Variants in OVCH1 observed in about 807,000 individuals in gnomAD.
OVCH1 encodes ovochymase-1.
Under a neutral mutation model 138.4 loss-of-function variants are expected in OVCH1, and 139 were observed. The ratio of observed to expected loss-of-function variants is 1.00; its 90% CI spans 0.87 to 1.16. The LOEUF (loss-of-function observed/expected upper bound fraction) is 1.16. Among genes scored for constraint, OVCH1 ranks in the 50% most tolerant of loss-of-function variants. The probability of loss-of-function intolerance (pLI) is 0.00; values close to 1 mark genes in which losing one functional copy is unlikely to be tolerated. For synonymous variants in OVCH1, 453 were observed against 467.8 expected (o/e 0.97, Z 0.41); for missense variants, 1,367 against 1,357.9 (o/e 1.01, Z -0.11).
rs67595567 is a variant in OVCH1, at chr12:29,488,620, CAAA to C, written c.703-741_703-739del. On this transcript the variant is annotated intron_variant, in intron 6 of 27. Transcript: ENST00000318184. ...TGGGCAACAGAGTGAGACTCCATCTCAAAAAAAAAAAAAAAAAAAAAAAGAAAG... is the reference window on the plus strand; with the variant it reads ...TGGGCAACAGAGTGAGACTCCATCTCAAAAAAAAAAAAAAAAAAAAGAAAG... Among the ~76,000 whole-genome samples, 22 of 61,734 alleles carry C rather than the reference CAAA, an allele frequency of 3.6e-4. 1 individual carries two copies. Among genetic ancestry groups the C allele is most frequent in the Middle Eastern group, 9.8e-3 (1 of 102 alleles). The allele number at this position is 61,734 out of a possible 152,430, so 40.5% of individuals were successfully genotyped here.
the OVCH1 span, among the ~76,000 whole-genome samples, chr12:29,405,002 A>G: frequency 7.5e-6 from 1 of 133,538 alleles, no homozygotes; most frequent in Admixed American, 8.1e-5. Context: ...AGCCCAGGAG[A>G]TAGTGCAACA....
chr12:29,490,262 T>C (rs976007674), intron 5 of OVCH1, among the ~76,000 whole-genome samples: 2 of 152,040 alleles, frequency 1.3e-5, no homozygotes, highest in Non-Finnish European at 2.9e-5. Flanking sequence ...TTATTTATTT[T>C]TGTGGAGACA....
chr12:29,463,577 G>C (rs924603485), intron 18 of OVCH1, among the ~76,000 whole-genome samples: 1 of 152,160 alleles, frequency 6.6e-6, no homozygotes, highest in East Asian at 1.9e-4. Flanking sequence ...TGTGTAATGA[G>C]AAGCCATTAA....
intron 12 of OVCH1, among the ~76,000 whole-genome samples, chr12:29,476,583 G>T (rs1942723794): frequency 6.6e-6 from 1 of 152,134 alleles, no homozygotes; most frequent in African/African-American, 2.4e-5. Flanking sequence ...CATGACCAAA[G>T]ACTGGAAGCT....
At chr12:29,489,484 G>T in intron 6 of OVCH1, 136 bp downstream of exon 6, 1 of 1,031,658 alleles carries the variant, frequency 9.7e-7, no homozygotes. Context: ...TTTTTCAGTA[G>T]AAATCAGAGG....
intron 25 of OVCH1, among the ~76,000 whole-genome samples, chr12:29,441,478 A>G (rs574001257): frequency 6.6e-6 from 1 of 152,216 alleles, no homozygotes; most frequent in Non-Finnish European, 1.5e-5. Context: ...TTCAAGATGG[A>G]TTAAAGACTT....
At chr12:29,489,393 A>G (rs527337303) in intron 6 of OVCH1, among the ~76,000 whole-genome samples, 1 of 152,290 alleles carries the variant, frequency 6.6e-6, no homozygotes, top group East Asian at 1.9e-4. Flanking sequence ...CCTTTTGCCA[A>G]CCCACCGAAA....
chr12:29,433,870 A>T, intron 26 of OVCH1: 1 of 1,299,332 alleles, frequency 7.7e-7, no homozygotes. Context: ...ATTTCAATTA[A>T]CATGTCCAAA....
the OVCH1 span, among the ~76,000 whole-genome samples, chr12:29,405,606 C>G: frequency 4.6e-5 from 7 of 152,164 alleles, no homozygotes; most frequent in African/African-American, 1.7e-4. Flanking sequence ...TTGTAAAGAC[C>G]TAATATTATT....
At chr12:29,453,687 A>G (rs958340066) in intron 21 of OVCH1, among the ~76,000 whole-genome samples, 7 of 152,140 alleles carry the variant, frequency 4.6e-5, no homozygotes, top group East Asian at 1.9e-4. Flanking sequence ...CTAAATTCCA[A>G]TGATCCATCA....
At chr12:29,487,025 C>T (rs930738768) in intron 7 of OVCH1, 4 of 418,328 alleles carry the variant, frequency 9.6e-6, no homozygotes, top group South Asian at 6.9e-5. Flanking sequence ...GGATCCACAG[C>T]ACCACTTCTA....
intron 16 of OVCH1, among the ~76,000 whole-genome samples, chr12:29,469,132 AAAGT>A (rs931158236): frequency 2.6e-5 from 4 of 152,186 alleles, no homozygotes; most frequent in Non-Finnish European, 5.9e-5. Context: ...TTGTTTCCCA[AAAGT>A]AAGTATGGAA....
At chr12:29,464,778 A>G (rs1021927104) in intron 17 of OVCH1, 76 bp from the exon 18 acceptor site, 3 of 1,262,478 alleles carry the variant, frequency 2.4e-6, no homozygotes, top group Non-Finnish European at 2.2e-6. Context: ...TGATGGTCCA[A>G]AATAATCCTA....
At chr12:29,490,372 G>A (rs949014419) in intron 5 of OVCH1, among the ~76,000 whole-genome samples, 13 of 152,144 alleles carry the variant, frequency 8.5e-5, no homozygotes, top group South Asian at 6.2e-4. Flanking sequence ...GAGCCACTGC[G>A]CCCTGCCTAA....
At chr12:29,475,252 A>G (rs1056975791) in intron 13 of OVCH1, 63 bp from the exon 14 acceptor site, 1 of 1,273,646 alleles carries the variant, frequency 7.9e-7, no homozygotes. Context: ...AACACACAGT[A>G]AAATAATCAC....
chr12:29,496,290 G>T lies in OVCH1; in HGVS notation c.184-12C>A. On this transcript the variant is annotated splice_polypyrimidine_tract_variant and intron_variant, in intron 2 of 27. Coordinates refer to ENST00000318184, the Ensembl canonical transcript of OVCH1. ...GATTTTAGGGAGACCTACCCAAGAAGAAAGTTACAAATGCAGCTAATATGT... is the reference window on the plus strand; with the variant it reads ...GATTTTAGGGAGACCTACCCAAGAATAAAGTTACAAATGCAGCTAATATGT... 1 of 1,581,288 alleles carries T rather than the reference G, an allele frequency of 6.3e-7. No homozygotes were observed. Among genetic ancestry groups the T allele is most frequent in the Non-Finnish European group, 8.6e-7 (1 of 1,159,658 alleles).
intron 8 of OVCH1, among the ~76,000 whole-genome samples, chr12:29,480,502 T>C (rs988385617): frequency 3.3e-5 from 5 of 152,230 alleles, no homozygotes; most frequent in African/African-American, 1.2e-4. Flanking sequence ...TGATTTATTA[T>C]TAGTGATTGC....
chr12:29,461,584 A>C (rs1942132361), intron 19 of OVCH1: 1 of 507,294 alleles, frequency 2.0e-6, no homozygotes, highest in Non-Finnish European at 3.6e-6. Context: ...GCCTGCTTAG[A>C]AGCTCTGCCA....
chr12:29,453,796 A>G (rs1240676248), intron 21 of OVCH1, among the ~76,000 whole-genome samples: 1 of 152,070 alleles, frequency 6.6e-6, no homozygotes, highest in East Asian at 1.9e-4. Context: ...CCTACTCTGC[A>G]TCTACCTCAG....
Sources: allele counts gnomAD v4.1 joint callset (sites outside exome capture counted in the v4.1 genomes callset), GRCh38; gene constraint gnomAD v4.1.1; transcripts MANE v1.5; gene names NCBI Gene and HGNC (gene_info 2026-07-23, HGNC 2026-07-21).